The following PDIA5 variants were observed in gnomAD, a reference collection of about 807,000 sequenced individuals.
PDIA5 encodes protein disulfide isomerase family A member 5.
In PDIA5, 58 loss-of-function variants were observed where a neutral mutation model predicts 77.6. That is an observed-to-expected ratio of 0.75 (90% CI 0.61 to 0.93). The LOEUF is 0.93. PDIA5 is among the 40% of genes least tolerant of loss of function. PDIA5 has a pLI of 0.00. For synonymous variants in PDIA5, 250 were observed against 252.1 expected (o/e 0.99, Z 0.08); for missense variants, 630 against 647.7 (o/e 0.97, Z 0.30).
At chr3:123,110,865 T>C (rs1392272539) in intron 6 of PDIA5, 79 bp from the exon 7 acceptor site, 19 of 1,141,952 alleles carry the variant, frequency 1.7e-5, no homozygotes, top group Non-Finnish European at 2.4e-5. Context: ...CCCTGCTGTA[T>C]GCAGGAGGGG....
chr3:123,093,179 TG>T (rs1934343382), intron 3 of PDIA5, among the ~76,000 whole-genome samples: 1 of 152,142 alleles, frequency 6.6e-6, no homozygotes. Flanking sequence ...TAGAGAGCAT[TG>T]AAGGAGATTC....
chr3:123,124,187 A>G, intron 9 of PDIA5, 30 bp downstream of exon 9: 1 of 1,593,986 alleles, frequency 6.3e-7, no homozygotes, highest in Non-Finnish European at 8.6e-7. Context: ...TCTAAAGCTC[A>G]CCTCCCTCCC....
intron 10 of PDIA5, among the ~76,000 whole-genome samples, chr3:123,129,302 T>C (rs774179354): frequency 1.3e-5 from 2 of 152,324 alleles, no homozygotes; most frequent in South Asian, 2.1e-4. Context: ...TGGACTGAGA[T>C]TGATTTGCCC....
chr3:123,106,969 G>A lies in PDIA5; in HGVS notation c.480+128G>A, dbSNP rs1415441035. 4 of 693,996 alleles carry A rather than the reference G, an allele frequency of 5.8e-6. No individual in the cohort carries two copies. The Admixed American group carries it at 7.7e-5, about 13-fold the overall frequency. The allele number at this position is 693,996 out of a possible 1,614,324, so 43.0% of individuals were successfully genotyped here. On this transcript the variant is annotated intron_variant, in intron 6 of 16. Transcript: ENST00000316218. ...GGATCACTTGTACTTTTCCTCTAGG[G>A]AAGCTAGGCCAGGACCCTAATATTT...
intron 10 of PDIA5, among the ~76,000 whole-genome samples, chr3:123,125,736 C>A (rs1213510679): frequency 6.6e-6 from 1 of 152,202 alleles, no homozygotes; most frequent in Non-Finnish European, 1.5e-5. Flanking sequence ...TGCCTACTCT[C>A]GGGAGATAAG....
At chr3:123,130,702 A>G (rs1935353369) in intron 11 of PDIA5, 86 bp downstream of exon 11, 3 of 1,492,450 alleles carry the variant, frequency 2.0e-6, no homozygotes, top group Non-Finnish European at 2.8e-6. Context: ...TGAACCCAGG[A>G]AGCACTTATT....
At chr3:123,106,533 G>A (rs559919320) in intron 5 of PDIA5, among the ~76,000 whole-genome samples, 37 of 152,166 alleles carry the variant, frequency 2.4e-4, no homozygotes, top group Non-Finnish European at 2.8e-4. Flanking sequence ...GAAAAAGCCC[G>A]ATGGGAGTGG....
intron 3 of PDIA5, among the ~76,000 whole-genome samples, chr3:123,095,427 C>T (rs1212787226): frequency 6.6e-6 from 1 of 152,054 alleles, no homozygotes; most frequent in Non-Finnish European, 1.5e-5. Context: ...AGCCCCAGGC[C>T]ATGGGTGTTT....
At chr3:123,119,663 C>A (rs1284316380) in intron 8 of PDIA5, among the ~76,000 whole-genome samples, 1 of 152,148 alleles carries the variant, frequency 6.6e-6, no homozygotes, top group Non-Finnish European at 1.5e-5. Context: ...GGTTGAGTGA[C>A]CACAGGTGTC....
At chr3:123,104,209 C>T (rs1235522975) in intron 5 of PDIA5, among the ~76,000 whole-genome samples, 4 of 152,110 alleles carry the variant, frequency 2.6e-5, no homozygotes, top group Non-Finnish European at 4.4e-5. Context: ...AGTGGCTGAG[C>T]ATCGTACGGG....
intron 11 of PDIA5, among the ~76,000 whole-genome samples, chr3:123,130,938 C>A (rs1935357700): frequency 6.6e-6 from 1 of 152,138 alleles, no homozygotes; most frequent in Non-Finnish European, 1.5e-5. Flanking sequence ...GCTGGAAGCA[C>A]CCTGAGATGT....
At chr3:123,103,824 C>T (rs1039352504) in intron 5 of PDIA5, among the ~76,000 whole-genome samples, 16 of 152,228 alleles carry the variant, frequency 1.1e-4, no homozygotes, top group South Asian at 1.0e-3. Flanking sequence ...TATGTTAAGA[C>T]GTCAACCGAA....
intron 14 of PDIA5, among the ~76,000 whole-genome samples, chr3:123,151,991 TC>T (rs1935919655): frequency 8.6e-6 from 1 of 116,328 alleles, no homozygotes; most frequent in African/African-American, 4.4e-5. Flanking sequence ...CTTCCTGCCT[TC>T]CTGCCTTCCT....
intron 2 of PDIA5, among the ~76,000 whole-genome samples, chr3:123,091,173 G>A (rs1173307973): frequency 6.6e-6 from 1 of 152,126 alleles, no homozygotes; most frequent in Non-Finnish European, 1.5e-5. Flanking sequence ...GTGGTTTCCT[G>A]GGAGTGCCTT....
Position 123,101,906 on chromosome 3 carries a change from C to CTTTTTT in PDIA5, c.258-489_258-484dup, listed in dbSNP as rs71623603. ...TCCCCTTCCTTTCCTTTCTTTCTTG[C>CTTTTTT]TTTTTTTTTTTTTTTTTTTTTGAGA... is the stretch of plus-strand genomic sequence containing the variant. On this transcript the variant is annotated intron_variant, in intron 3 of 16. Transcript: ENST00000316218. Among the ~76,000 whole-genome samples the CTTTTTT allele has an allele frequency of 5.6e-3, 399 of 71,380 alleles. 76 individuals carry two copies. The highest frequency in any genetic ancestry group is 0.043 in the Middle Eastern group (2 of 46). The allele number at this position is 71,380 out of a possible 152,430, so 46.8% of individuals were successfully genotyped here.
At position 123,137,698 on chromosome 3, in the gene PDIA5, C is replaced by T. The variant is rs184592860; in HGVS notation, c.910+7082C>T. Among the ~76,000 whole-genome samples the T allele has an allele frequency of 3.3e-5, 5 of 152,206 alleles. No individual in the cohort carries two copies. The East Asian group carries it at 5.8e-4, about 18-fold the overall frequency. On this transcript the variant is annotated intron_variant, in intron 11 of 16. Transcript: ENST00000316218. ...GGGGAGACACCAAGAGGTCAAGAAA[C>T]GTGCCAAAGGTCACATAGCCAAAAA...
rs150216334 is a variant in PDIA5 at position 123,154,980 on chromosome 3, A to T, written c.1283A>T (p.His428Leu). ...TTCCCCTCTCACACAGGGTGCCCAC[A>T]CTGTAAGAAGGTCATTCCGCACTTT... Reference protein sequence around the residue: ...LVMFYAPWCPHCKKVIPHFTA... With the variant: ...LVMFYAPWCPLCKKVIPHFTA... The change falls in exon 15 of 17, where the codon CAC becomes CTC. Residue 428 changes from histidine (H) to leucine (L), a missense_variant. Physicochemically the swap from His to Leu is moderately conservative, Grantham distance 99. Transcript: ENST00000316218. 1.2e-3 allele frequency: 1,936 copies of T among 1,607,858 alleles called. 4 individuals carry two copies. The highest frequency in any genetic ancestry group is 1.6e-3 in the Non-Finnish European group (1,845 of 1,174,304).
chr3:123,116,200 CG>C, intron 7 of PDIA5, 30 bp from the exon 8 acceptor site: 2 of 1,595,862 alleles, frequency 1.3e-6, no homozygotes, highest in Non-Finnish European at 1.7e-6. Flanking sequence ...TCCCTGTAAC[CG>C]GATGTGGTCT....
chr3:123,079,272 C>G (rs1933932500), intron 1 of PDIA5, among the ~76,000 whole-genome samples: 1 of 149,542 alleles, frequency 6.7e-6, no homozygotes, highest in Non-Finnish European at 1.5e-5. Flanking sequence ...GCTCCGCCTC[C>G]TGGGTTCACG....
Sources: gnomAD v4.1 joint callset for allele counts (sites outside exome capture counted in the v4.1 genomes callset) on GRCh38, gnomAD v4.1.1 for gene constraint, MANE v1.5 for transcripts, NCBI Gene and HGNC (gene_info 2026-07-23, HGNC 2026-07-21) for gene names.